The following NKAIN3 variants were observed in gnomAD, a reference collection of about 807,000 sequenced individuals.
NKAIN3 encodes the protein sodium/potassium transporting ATPase interacting 3.
A neutral mutation model predicts 30.2 loss-of-function variants in NKAIN3; 25 were observed. The ratio of observed to expected loss-of-function variants is 0.83; its 90% CI spans 0.60 to 1.16. NKAIN3 has a LOEUF of 1.16. NKAIN3 is among the 50% of genes most tolerant of loss of function. The pLI is 0.00. For synonymous variants in NKAIN3, 91 were observed against 89.6 expected, an observed-to-expected ratio of 1.02 and a Z score of -0.09; for missense variants, 225 against 254.1, an observed-to-expected ratio of 0.89 and a Z score of 0.78.
At chr8:62,942,027 C>T (rs1208667590) in intron 5 of NKAIN3, among the ~76,000 whole-genome samples, 3 of 151,660 alleles carry the variant, frequency 2.0e-5, no homozygotes, top group Non-Finnish European at 4.4e-5. Context: ...CAGACTAATC[C>T]AAAAAGAACC....
At chr8:62,334,553 T>C (rs962689583) in intron 1 of NKAIN3, among the ~76,000 whole-genome samples, 3 of 152,136 alleles carry the variant, frequency 2.0e-5, no homozygotes, top group Non-Finnish European at 1.5e-5. Context: ...ATACGTTTCC[T>C]AACTCAATGG....
intron 1 of NKAIN3, among the ~76,000 whole-genome samples, chr8:62,521,062 G>A (rs953698323): frequency 4.6e-5 from 7 of 151,710 alleles, no homozygotes; most frequent in Middle Eastern, 6.8e-3. Context: ...TTGTTTAGCC[G>A]TAAGAAAAAA....
At chr8:62,700,891 C>G (rs576589812) in intron 3 of NKAIN3, among the ~76,000 whole-genome samples, 15 of 152,292 alleles carry the variant, frequency 9.8e-5, no homozygotes, top group African/African-American at 3.4e-4. Context: ...TGTCTTCCAT[C>G]CATTTAGTTT....
chr8:62,742,054 G>C (rs577504736), intron 3 of NKAIN3, among the ~76,000 whole-genome samples: 13 of 151,994 alleles, frequency 8.6e-5, no homozygotes, highest in African/African-American at 3.1e-4. Flanking sequence ...TGAGTTCTTA[G>C]CTGGGACTCT....
rs1264435230 is a variant in NKAIN3, at chr8:62,330,405, G to A, written c.54+81278G>A. On this transcript the variant is annotated intron_variant, in intron 1 of 6. Coordinates refer to ENST00000623646, the MANE Select transcript of NKAIN3 (RefSeq NM_001304533.3). ...AGGAAAAGGTCCTGGGAGTCTAAGA[G>A]AGGGTAGTGGCAGTAGGAAAGAGAG... is the stretch of plus-strand genomic sequence containing the variant. 2.0e-5 allele frequency among the ~76,000 whole-genome samples: 3 copies of A among 152,048 alleles called. No homozygotes were observed. In the East Asian group the frequency reaches 5.8e-4, roughly 30 times the overall value.
Position 62,786,158 on chromosome 8 carries a change from TA to T in NKAIN3, c.471+39035del, listed in dbSNP as rs1270824814. On this transcript the variant is annotated intron_variant, in intron 4 of 6. Transcript: ENST00000623646. ...GTTTTAGTCCCTACAAATGTACATA[TA>T]AAAAATGGAGATAGATGATACTCCC... 4.6e-5 allele frequency among the ~76,000 whole-genome samples: 7 copies of T among 152,036 alleles called. No homozygotes were observed. In the East Asian group the frequency reaches 1.4e-3, roughly 29 times the overall value.
chr8:62,701,601 C>A (rs993325483), intron 3 of NKAIN3, among the ~76,000 whole-genome samples: 3 of 152,042 alleles, frequency 2.0e-5, no homozygotes, highest in Non-Finnish European at 4.4e-5. Flanking sequence ...TAAATGGGGT[C>A]GCTAGAATGC....
chr8:62,364,828 C>CAAAAAAAAAAAAAAAAAAAAAAAAA (rs58784999), intron 1 of NKAIN3, among the ~76,000 whole-genome samples: 1 of 63,760 alleles, frequency 1.6e-5, no homozygotes, highest in Non-Finnish European at 2.6e-5. Flanking sequence ...GACTCCACTA[C>CAAAAAAAAAAAAAAAAAAAAAAAAA]AAAAAAAAAA....
chr8:62,890,190 A>T (rs1299677717), intron 4 of NKAIN3, among the ~76,000 whole-genome samples: 1 of 152,224 alleles, frequency 6.6e-6, no homozygotes, highest in Non-Finnish European at 1.5e-5. Context: ...GAAGGATAGT[A>T]AGCCAACATT....
chr8:62,329,635 C>G (rs1192178069), intron 1 of NKAIN3, among the ~76,000 whole-genome samples: 1 of 152,076 alleles, frequency 6.6e-6, no homozygotes, highest in East Asian at 1.9e-4. Context: ...ATAATAGCCT[C>G]CAGCTCCATC....
At chr8:62,592,194 T>A (rs1810673421) in intron 3 of NKAIN3, among the ~76,000 whole-genome samples, 1 of 152,036 alleles carries the variant, frequency 6.6e-6, no homozygotes, top group Non-Finnish European at 1.5e-5. Flanking sequence ...GCTAAGGTGT[T>A]CTTTTGCTGA....
At chr8:62,843,678 CT>C (rs540447191) in intron 4 of NKAIN3, among the ~76,000 whole-genome samples, 3 of 152,160 alleles carry the variant, frequency 2.0e-5, no homozygotes, top group African/African-American at 7.2e-5. Flanking sequence ...TCATGTTAGA[CT>C]TTTGACTTCT....
intron 5 of NKAIN3, among the ~76,000 whole-genome samples, chr8:62,995,982 T>C (rs954761956): frequency 3.3e-5 from 5 of 152,182 alleles, no homozygotes; most frequent in Non-Finnish European, 7.3e-5. Context: ...GTGATTCTTA[T>C]GCACTCTCAA....
At chr8:62,586,096 G>A (rs1318008382) in intron 2 of NKAIN3, among the ~76,000 whole-genome samples, 4 of 152,110 alleles carry the variant, frequency 2.6e-5, no homozygotes, top group African/African-American at 9.7e-5. Flanking sequence ...AGGGTCAAGT[G>A]AATTTGAAAA....
intron 1 of NKAIN3, among the ~76,000 whole-genome samples, chr8:62,422,097 CTAAAA>C (rs1171438047): frequency 6.6e-6 from 1 of 152,054 alleles, no homozygotes; most frequent in Non-Finnish European, 1.5e-5. Flanking sequence ...AGAAAATAAA[CTAAAA>C]TATGTCAAGT....
intron 3 of NKAIN3, among the ~76,000 whole-genome samples, chr8:62,657,526 T>C (rs532497888): frequency 1.3e-5 from 2 of 152,178 alleles, no homozygotes; most frequent in South Asian, 4.1e-4. Context: ...ATTTCCCCTA[T>C]GAGTAGAAAG....
chr8:62,680,696 T>C (rs1202578250), intron 3 of NKAIN3, among the ~76,000 whole-genome samples: 1 of 152,114 alleles, frequency 6.6e-6, no homozygotes, highest in Non-Finnish European at 1.5e-5. Context: ...AAAAATGTAA[T>C]GCGTGATTTG....
chr8:62,451,223 CTCTTT>C (rs1805629164), intron 1 of NKAIN3, among the ~76,000 whole-genome samples: 2 of 151,766 alleles, frequency 1.3e-5, no homozygotes, highest in South Asian at 4.2e-4. Context: ...CTCTTCTCTT[CTCTTT>C]TCTCTTCTCT....
intron 1 of NKAIN3, among the ~76,000 whole-genome samples, chr8:62,424,623 T>C (rs1214587341): frequency 6.6e-6 from 1 of 151,938 alleles, no homozygotes; most frequent in African/African-American, 2.4e-5. Context: ...CCTGTTCAGA[T>C]GGCTGTTATC....
Sources: allele counts gnomAD v4.1 joint callset (sites outside exome capture counted in the v4.1 genomes callset), GRCh38; gene constraint gnomAD v4.1.1; transcripts MANE v1.5; gene names NCBI Gene and HGNC (gene_info 2026-07-23, HGNC 2026-07-21).